PTPRT: variants seen among roughly 807,000 people sequenced by gnomAD.
PTPRT encodes the protein receptor-type tyrosine-protein phosphatase T.
Under a neutral mutation model 176.8 loss-of-function variants are expected in PTPRT, and 56 were observed. The observed-to-expected ratio is 0.32, with a 90% CI of 0.26 to 0.40. The LOEUF is 0.40. Among genes scored for constraint, PTPRT ranks in the 10% least tolerant of loss-of-function variants. The pLI, the probability that PTPRT is intolerant of heterozygous loss-of-function variation, is 1.00. For missense variants in PTPRT, 1,540 were observed against 1,908.2 expected, an observed-to-expected ratio of 0.81 and a Z score of 3.60; for synonymous variants, 783 against 739.0, an observed-to-expected ratio of 1.06 and a Z score of -0.96.
chr20:42,241,307 G>C (rs1459620445), intron 14 of PTPRT, among the ~76,000 whole-genome samples: 1 of 152,158 alleles, frequency 6.6e-6, no homozygotes, highest in East Asian at 1.9e-4. Flanking sequence ...AGATGGAGGA[G>C]AGGGGAAGGG....
intron 12 of PTPRT, among the ~76,000 whole-genome samples, chr20:42,285,864 CA>C (rs1215433648): frequency 6.6e-6 from 1 of 151,786 alleles, no homozygotes; most frequent in Non-Finnish European, 1.5e-5. Context: ...AATCAACATA[CA>C]AAAATCAGTA....
At chr20:42,809,910 G>A (rs1484349907) in intron 2 of PTPRT, among the ~76,000 whole-genome samples, 1 of 152,080 alleles carries the variant, frequency 6.6e-6, no homozygotes, top group African/African-American at 2.4e-5. Flanking sequence ...ACAATGCTGG[G>A]GGGCCGTGAT....
intron 1 of PTPRT, among the ~76,000 whole-genome samples, chr20:43,002,048 G>T (rs1436343590): frequency 1.3e-5 from 2 of 152,150 alleles, no homozygotes; most frequent in Non-Finnish European, 2.9e-5. Flanking sequence ...CTTCCCCCAC[G>T]CGGTTCTCGT....
At position 42,189,428 on chromosome 20, in the gene PTPRT, A is replaced by G. The variant is rs567491495; in HGVS notation, c.2491+9812T>C. On this transcript the variant is annotated intron_variant, in intron 16 of 30. Transcript: ENST00000373187. ...ACTTACAACTCTCCTCTTAGAGGAC[A>G]GTAATATCATTGGAGGCAGAGACCA... Among the ~76,000 whole-genome samples, 128 of 152,324 alleles carry G rather than the reference A, an allele frequency of 8.4e-4. 1 individual carries two copies. The highest frequency in any genetic ancestry group is 2.9e-3 in the African/African-American group (119 of 41,586).
At chr20:43,118,188 T>G (rs1428527073) in intron 1 of PTPRT, among the ~76,000 whole-genome samples, 1 of 152,128 alleles carries the variant, frequency 6.6e-6, no homozygotes, top group Admixed American at 6.5e-5. Context: ...CGTGCTCCAA[T>G]ATAACTTTAG....
At chr20:42,184,681 G>C (rs1990698600) in intron 16 of PTPRT, among the ~76,000 whole-genome samples, 1 of 149,512 alleles carries the variant, frequency 6.7e-6, no homozygotes, top group Non-Finnish European at 1.5e-5. Context: ...AGGTTGGAGT[G>C]CAGTGGCATG....
At chr20:42,495,167 G>A (rs1488009482) in intron 7 of PTPRT, among the ~76,000 whole-genome samples, 1 of 152,178 alleles carries the variant, frequency 6.6e-6, no homozygotes, top group African/African-American at 2.4e-5. Context: ...GATGAAAACA[G>A]TGAGACTCAG....
At chr20:42,033,838 C>T in the PTPRT span, among the ~76,000 whole-genome samples, 1 of 152,180 alleles carries the variant, frequency 6.6e-6, no homozygotes, top group Non-Finnish European at 1.5e-5. Context: ...TGTGATGCCA[C>T]AGAATGCCAT....
intron 1 of PTPRT, among the ~76,000 whole-genome samples, chr20:43,126,979 G>A (rs533418095): frequency 3.5e-4 from 54 of 152,268 alleles, no homozygotes; most frequent in African/African-American, 1.1e-3. Context: ...ATAGACTTAC[G>A]ATTATTATTT....
the PTPRT span, among the ~76,000 whole-genome samples, chr20:42,061,392 T>C: frequency 6.6e-6 from 1 of 152,162 alleles, no homozygotes; most frequent in Non-Finnish European, 1.5e-5. Context: ...CATGGACTAG[T>C]TGGTGAACAC....
chr20:42,328,790 A>T (rs1194995647), intron 11 of PTPRT, among the ~76,000 whole-genome samples: 1 of 152,228 alleles, frequency 6.6e-6, no homozygotes, highest in Non-Finnish European at 1.5e-5. Flanking sequence ...TTGCCCGGAA[A>T]GCTCTACCCA....
chr20:42,203,879 T>C (rs895802037), intron 15 of PTPRT, among the ~76,000 whole-genome samples: 2 of 152,192 alleles, frequency 1.3e-5, no homozygotes, highest in Admixed American at 6.5e-5. Flanking sequence ...GCTACGTACT[T>C]GTTGAGTCAA....
At chr20:42,548,662 A>C (rs747180626) in intron 7 of PTPRT, among the ~76,000 whole-genome samples, 3 of 152,144 alleles carry the variant, frequency 2.0e-5, no homozygotes, top group Non-Finnish European at 4.4e-5. Context: ...ATGTATATTC[A>C]GTAAAATAAG....
At chr20:42,816,833 A>G (rs2077795068) in intron 2 of PTPRT, among the ~76,000 whole-genome samples, 1 of 152,200 alleles carries the variant, frequency 6.6e-6, no homozygotes, top group East Asian at 1.9e-4. Context: ...CAGTGTGAAA[A>G]TGAGCTAATA....
chr20:42,193,023 C>G (rs149898850), intron 16 of PTPRT, among the ~76,000 whole-genome samples: 1 of 152,162 alleles, frequency 6.6e-6, no homozygotes, highest in Non-Finnish European at 1.5e-5. Context: ...CTCCTTCACT[C>G]GCCTTCATGG....
At chr20:42,426,708 C>T (rs984988246) in intron 9 of PTPRT, among the ~76,000 whole-genome samples, 74 of 152,286 alleles carry the variant, frequency 4.9e-4, no homozygotes, top group African/African-American at 1.7e-3. Flanking sequence ...AGCTCCTGCA[C>T]CTGCCTGTCT....
intron 1 of PTPRT, among the ~76,000 whole-genome samples, chr20:43,093,192 G>T (rs1483589383): frequency 6.6e-6 from 1 of 152,168 alleles, no homozygotes; most frequent in Admixed American, 6.5e-5. Flanking sequence ...GGAGAGATTG[G>T]TGGACATCCC....
At chr20:42,780,395 C>G in intron 3 of PTPRT, 96 bp from the exon 4 acceptor site, 1 of 917,508 alleles carries the variant, frequency 1.1e-6, no homozygotes, top group South Asian at 1.4e-5. Context: ...GTTTCAACTT[C>G]CCATCAGAAG....
chr20:43,020,006 G>T (rs898704411), intron 1 of PTPRT, among the ~76,000 whole-genome samples: 1 of 151,510 alleles, frequency 6.6e-6, no homozygotes, highest in African/African-American at 2.4e-5. Flanking sequence ...TCTCCAGCTT[G>T]CTCTCAGCCT....
Sources: gnomAD v4.1 joint callset for allele counts (sites outside exome capture counted in the v4.1 genomes callset) on GRCh38, gnomAD v4.1.1 for gene constraint, MANE v1.5 for transcripts, NCBI Gene and HGNC (gene_info 2026-07-23, HGNC 2026-07-21) for gene names.